RNF17: variants seen among roughly 807,000 people sequenced by gnomAD.
RNF17 encodes spermatogenesis associated 23.
Under a neutral mutation model 200.5 loss-of-function variants are expected in RNF17, and 31 were observed. The observed-to-expected ratio is 0.15, with a 90% CI of 0.12 to 0.21. The LOEUF is 0.21. Among genes scored for constraint, RNF17 ranks in the 10% least tolerant of loss-of-function variants. The pLI, the probability that RNF17 is intolerant of heterozygous loss-of-function variation, is 1.00. For missense variants in RNF17, 1,628 were observed against 1,905.1 expected (o/e 0.85, Z 2.71); for synonymous variants, 606 against 637.8 (o/e 0.95, Z 0.75).
intron 25 of RNF17, among the ~76,000 whole-genome samples, chr13:24,856,435 A>AG (rs1650565627): frequency 6.6e-6 from 1 of 151,948 alleles, no homozygotes; most frequent in Non-Finnish European, 1.5e-5. Flanking sequence ...AAAAAAAAAA[A>AG]AAATCCTTTC....
At chr13:24,751,786 CTTTTT>C in the RNF17 span, 5 of 151,468 alleles carry the variant, frequency 3.3e-5, no homozygotes, top group Non-Finnish European at 5.9e-5. Flanking sequence ...TTTCAAGTAT[CTTTTT>C]TTTTATGTTG....
At chr13:24,869,917 A>G (rs949079864) in intron 31 of RNF17, among the ~76,000 whole-genome samples, 1 of 149,038 alleles carries the variant, frequency 6.7e-6, no homozygotes, top group Non-Finnish European at 1.5e-5. Flanking sequence ...ACAGGCATGT[A>G]CTACCATGCC....
Position 24,764,224 on chromosome 13 carries a change from G to A in RNF17, c.21G>A (p.Lys7=), listed in dbSNP as rs1879201328. 6.2e-7 allele frequency: 1 copy of A among 1,602,540 alleles called. No individual in the cohort carries two copies. Among genetic ancestry groups the A allele is most frequent in the African/African-American group, 1.3e-5 (1 of 74,946 alleles). The change falls in exon 1 of 36, where the codon AAG becomes AAA. Residue 7 remains lysine (K), a synonymous_variant. Transcript: ENST00000255324. ...CAGCGATGGCGGCAGAGGCTTCGAA[G>A]ACTGGGCCTTCTAGGTCTTCCTACC... The part of the protein sequence containing the change: MAAEAS[K]TGPSRSSYQR...
downstream of RNF17, among the ~76,000 whole-genome samples, chr13:24,884,822 T>G (rs75512580): frequency 5.3e-3 from 812 of 152,322 alleles, 22 homozygotes; most frequent in East Asian, 0.081. Context: ...TGGACCAGAT[T>G]AGGTATTCGA....
intron 3 of RNF17, among the ~76,000 whole-genome samples, chr13:24,776,582 T>C (rs1300599090): frequency 6.6e-6 from 1 of 152,156 alleles, no homozygotes; most frequent in African/African-American, 2.4e-5. Context: ...ATAGATCTTT[T>C]AGAATCATTC....
At chr13:24,885,819 G>A in the RNF17 span, 1 of 657,102 alleles carries the variant, frequency 1.5e-6, no homozygotes, top group Non-Finnish European at 2.7e-6. Flanking sequence ...TTACTAATTT[G>A]TAGTTCTCCG....
At chr13:24,833,123 A>G (rs530317088) in intron 18 of RNF17, among the ~76,000 whole-genome samples, 1 of 152,268 alleles carries the variant, frequency 6.6e-6, no homozygotes, top group African/African-American at 2.4e-5. Flanking sequence ...CTTAATGAAT[A>G]GTAGTGCAGG....
At chr13:24,827,228 G>A (rs959384198) in intron 16 of RNF17, among the ~76,000 whole-genome samples, 5 of 151,872 alleles carry the variant, frequency 3.3e-5, no homozygotes, top group Admixed American at 2.0e-4. Flanking sequence ...CCACTGTGCC[G>A]GGCAATTTTT....
At position 24,862,881 on chromosome 13, in the gene RNF17, C is replaced by T. The variant is rs530628958; in HGVS notation, c.3975+88C>T. ...TTTGAGGGATATTTTTGATGATAAG[C>T]AATGGTATATACCTTCTTATGTGAA... On this transcript the variant is annotated intron_variant, in intron 28 of 35. Transcript: ENST00000255324. The T allele has an allele frequency of 1.7e-4, 133 of 788,770 alleles. 1 individual carries two copies. In the East Asian group the frequency reaches 3.7e-3, roughly 22 times the overall value. The allele number at this position is 788,770 out of a possible 1,614,324, so 48.9% of individuals were successfully genotyped here. A position where few individuals can be genotyped will look rare whatever the true frequency, so the allele number is the denominator to read the frequency against.
intron 10 of RNF17, among the ~76,000 whole-genome samples, chr13:24,793,609 T>C (rs1884164766): frequency 6.6e-6 from 1 of 152,222 alleles, no homozygotes; most frequent in Admixed American, 6.5e-5. Context: ...TGAGATTTTT[T>C]AGTGTTCTCA....
rs1894048209 is a variant in RNF17, at chr13:24,869,782, T to C, written c.4279-789T>C. 2.0e-5 allele frequency among the ~76,000 whole-genome samples: 3 copies of C among 151,154 alleles called. 1 individual carries two copies. The South Asian group carries it at 6.2e-4, about 31-fold the overall frequency. On this transcript the variant is annotated intron_variant, in intron 31 of 35. Coordinates refer to ENST00000255324, the MANE Select transcript of RNF17 (RefSeq NM_031277.3). Reference sequence around the variant, plus strand: ...TGTGGTTTTTTGTTTGTTTGTTTTTTGAGATAGGGGTCACGTTTTGTCATC... The same window carrying C: ...TGTGGTTTTTTGTTTGTTTGTTTTTCGAGATAGGGGTCACGTTTTGTCATC...
At chr13:24,777,641 C>G (rs1247717884) in intron 3 of RNF17, among the ~76,000 whole-genome samples, 1 of 152,114 alleles carries the variant, frequency 6.6e-6, no homozygotes, top group Non-Finnish European at 1.5e-5. Context: ...TTTTTAATAG[C>G]TGGCATTTGT....
At chr13:24,856,154 C>T (rs1478620650) in intron 25 of RNF17, among the ~76,000 whole-genome samples, 5 of 152,080 alleles carry the variant, frequency 3.3e-5, no homozygotes, top group Admixed American at 3.3e-4. Flanking sequence ...GGCGCAGTGG[C>T]TCATGCCTGT....
intron 18 of RNF17, among the ~76,000 whole-genome samples, chr13:24,833,836 G>A (rs796509356): frequency 1.1e-4 from 17 of 152,358 alleles, no homozygotes; most frequent in African/African-American, 3.8e-4. Flanking sequence ...AATACGTGCT[G>A]TGTTACCTTA....
intron 30 of RNF17, among the ~76,000 whole-genome samples, chr13:24,867,488 G>C (rs574914340): frequency 6.6e-6 from 1 of 152,074 alleles, no homozygotes; most frequent in African/African-American, 2.4e-5. Flanking sequence ...TAACCTTATT[G>C]TAAATTGCCT....
intron 15 of RNF17, among the ~76,000 whole-genome samples, chr13:24,813,347 G>T (rs1254716097): frequency 6.6e-6 from 1 of 151,640 alleles, no homozygotes; most frequent in Non-Finnish European, 1.5e-5. Context: ...GTAGACACAG[G>T]GTCTTGCTAG....
At chr13:24,868,266 C>A (rs1379729373) in intron 30 of RNF17, among the ~76,000 whole-genome samples, 1 of 151,098 alleles carries the variant, frequency 6.6e-6, no homozygotes, top group African/African-American at 2.4e-5. Flanking sequence ...GTCAGGAGAT[C>A]GAGACCATCC....
intron 15 of RNF17, among the ~76,000 whole-genome samples, chr13:24,808,082 T>A (rs1281693278): frequency 5.3e-5 from 8 of 151,496 alleles, no homozygotes; most frequent in Non-Finnish European, 1.0e-4. Context: ...GGTAGTGTGA[T>A]GCCTCCAGCT....
intron 1 of RNF17, 123 bp downstream of exon 1, chr13:24,764,456 C>T (rs1261309319): frequency 3.3e-5 from 44 of 1,324,074 alleles, no homozygotes; most frequent in Non-Finnish European, 4.1e-5. Flanking sequence ...CCAGAAACTG[C>T]GTCACAGGCC....
Sources: allele counts gnomAD v4.1 joint callset (sites outside exome capture counted in the v4.1 genomes callset), GRCh38; gene constraint gnomAD v4.1.1; transcripts MANE v1.5; gene names NCBI Gene and HGNC (gene_info 2026-07-23, HGNC 2026-07-21).